CALCRL: variants seen among roughly 807,000 people sequenced by gnomAD.
CALCRL encodes the protein calcitonin receptor like receptor, also known as calcitonin gene-related peptide type 1 receptor.
In CALCRL, 27 loss-of-function variants were observed where a neutral mutation model predicts 60.4. That is an observed-to-expected ratio of 0.45 (90% CI 0.33 to 0.62). CALCRL has a LOEUF of 0.62. Among genes scored for constraint, CALCRL ranks in the 20% least tolerant of loss-of-function variants. The pLI, the probability that CALCRL is intolerant of heterozygous loss-of-function variation, is 0.03. For synonymous variants in CALCRL, 190 were observed against 182.6 expected (o/e 1.04, Z -0.33); for missense variants, 424 against 540.7 (o/e 0.78, Z 2.14).
chr2:187,378,033 G>C (rs910692681), intron 8 of CALCRL, among the ~76,000 whole-genome samples: 15 of 150,012 alleles, frequency 1.0e-4, no homozygotes, highest in Admixed American at 2.0e-4. Context: ...GAGAAGAGGA[G>C]GAGGAGGAGG....
At chr2:187,371,974 A>C (rs1381695067) in intron 8 of CALCRL, among the ~76,000 whole-genome samples, 1 of 152,126 alleles carries the variant, frequency 6.6e-6, no homozygotes, top group Non-Finnish European at 1.5e-5. Context: ...TAAATTGAGA[A>C]TGCTTTGGTC....
At chr2:187,374,716 TTC>T (rs1210191874) in intron 8 of CALCRL, among the ~76,000 whole-genome samples, 1 of 152,144 alleles carries the variant, frequency 6.6e-6, no homozygotes, top group Non-Finnish European at 1.5e-5. Context: ...CATAAATGTA[TTC>T]TGAGTGCCTA....
rs1528233 is a variant in CALCRL, at chr2:187,342,518, A to G, written c.*3666T>C. ...ACACTCTCATGTACCTATCTCAACA[A>G]TAGGCCAAACCTTATTAAACTAGCA... On this transcript the variant is annotated 3_prime_UTR_variant, in exon 15 of 15. Transcript: ENST00000392370. Among the ~76,000 whole-genome samples the G allele has an allele frequency of 0.6, 90,411 of 151,324 alleles. 28,296 individuals carry two copies. The highest frequency in any genetic ancestry group is 0.86 in the East Asian group (4,467 of 5,168).
At chr2:187,403,561 T>A (rs1688988839) in intron 1 of CALCRL, among the ~76,000 whole-genome samples, 1 of 151,900 alleles carries the variant, frequency 6.6e-6, no homozygotes, top group Non-Finnish European at 1.5e-5. Flanking sequence ...TTCAAAACAT[T>A]CGTGTTTAAG....
In CALCRL at chr2:187,345,846, G is replaced by C. The variant is rs1686248203; in HGVS notation, c.*338C>G. ...TGTTTAGTTTTACAGCCATTTGTTT[G>C]TGAATTCATGCAATGGTGTGCTGGA... On this transcript the variant is annotated 3_prime_UTR_variant, in exon 15 of 15. Coordinates refer to ENST00000392370, the MANE Select transcript of CALCRL (RefSeq NM_005795.6). 1 of 185,868 alleles carries C rather than the reference G, an allele frequency of 5.4e-6. No individual in the cohort carries two copies. Among genetic ancestry groups the C allele is most frequent in the Non-Finnish European group, 1.1e-5 (1 of 90,534 alleles). The allele number at this position is 185,868 out of a possible 1,614,324, so 11.5% of individuals were successfully genotyped here.
intron 1 of CALCRL, among the ~76,000 whole-genome samples, chr2:187,418,859 CT>C (rs369436031): frequency 0.28 from 33,584 of 119,638 alleles, 4,046 homozygotes; most frequent in Middle Eastern, 0.39. Context: ...TTCTTTTTTT[CT>C]TTTTTTTTTT....
chr2:187,435,860 T>TTGTGAG (rs1490886484), intron 1 of CALCRL, among the ~76,000 whole-genome samples: 2 of 72,870 alleles, frequency 2.7e-5, no homozygotes, highest in African/African-American at 9.2e-5. Context: ...GTGTGTGTGT[T>TTGTGAG]TGTGCGTGCG....
At chr2:187,434,716 G>GA (rs1690557393) in intron 1 of CALCRL, among the ~76,000 whole-genome samples, 1 of 152,006 alleles carries the variant, frequency 6.6e-6, no homozygotes, top group South Asian at 2.1e-4. Flanking sequence ...TCCTCAGCAG[G>GA]AAAAAGGATA....
chr2:187,394,853 G>A (rs1688594048), intron 1 of CALCRL, among the ~76,000 whole-genome samples: 1 of 151,944 alleles, frequency 6.6e-6, no homozygotes, highest in South Asian at 2.1e-4. Context: ...CTGAAAATTT[G>A]CATAAAAGTA....
chr2:187,420,325 T>A (rs1689814239), intron 1 of CALCRL, among the ~76,000 whole-genome samples: 1 of 152,126 alleles, frequency 6.6e-6, no homozygotes, highest in Admixed American at 6.5e-5. Flanking sequence ...CATAATAATA[T>A]CTTAGAAAAA....
intron 14 of CALCRL, among the ~76,000 whole-genome samples, chr2:187,349,321 C>T (rs1453635556): frequency 4.6e-5 from 7 of 151,372 alleles, no homozygotes; most frequent in Admixed American, 6.6e-5. Context: ...AAGACGTTAG[C>T]TAAAAAGTGC....
intron 1 of CALCRL, among the ~76,000 whole-genome samples, chr2:187,389,476 A>G (rs992620994): frequency 1.3e-5 from 2 of 152,182 alleles, no homozygotes; most frequent in Admixed American, 1.3e-4. Context: ...CTAAATATAT[A>G]GAAACCAATG....
rs1372077573 is a variant in CALCRL, at chr2:187,387,774, G to A, written c.-292-18C>T. On this transcript the variant is annotated intron_variant, in intron 1 of 14. Transcript: ENST00000392370. ...GTCAAGACCTGAAATATTGATGAAT[G>A]TAATAATTTAATATTATGCTAATGA... The A allele has an allele frequency of 2.5e-6, 1 of 395,250 alleles. No homozygotes were observed. Among genetic ancestry groups the A allele is most frequent in the Non-Finnish European group, 4.5e-6 (1 of 224,062 alleles). 24.5% of individuals were successfully genotyped at this position (395,250 alleles called of 1,614,324 possible).
intron 12 of CALCRL, among the ~76,000 whole-genome samples, chr2:187,355,955 A>AC (rs1686760977): frequency 6.6e-6 from 1 of 152,154 alleles, no homozygotes. Context: ...GAAGTGAAGG[A>AC]CCTCTTCAAG....
chr2:187,346,718 A>C (rs1397418833), intron 14 of CALCRL, among the ~76,000 whole-genome samples: 1 of 151,898 alleles, frequency 6.6e-6, no homozygotes, highest in Non-Finnish European at 1.5e-5. Context: ...CCCATTTACA[A>C]GATTTCATGT....
intron 1 of CALCRL, among the ~76,000 whole-genome samples, chr2:187,423,717 G>GA (rs1689995920): frequency 6.6e-6 from 1 of 151,818 alleles, no homozygotes; most frequent in South Asian, 2.1e-4. Flanking sequence ...AAAGGCTTGG[G>GA]AAAAAACTTA....
chr2:187,361,252 A>G (rs941233833), intron 9 of CALCRL, among the ~76,000 whole-genome samples: 5 of 152,026 alleles, frequency 3.3e-5, no homozygotes, highest in African/African-American at 7.2e-5. Context: ...AGGTTATCCT[A>G]TCCAAATATG....
At chr2:187,391,698 A>G (rs548657125) in intron 1 of CALCRL, among the ~76,000 whole-genome samples, 4 of 152,246 alleles carry the variant, frequency 2.6e-5, no homozygotes, top group South Asian at 4.1e-4. Context: ...TTACTATGCA[A>G]AAAGAATTTT....
At chr2:187,350,996 A>G (rs1686505729) in intron 14 of CALCRL, among the ~76,000 whole-genome samples, 1 of 36,080 alleles carries the variant, frequency 2.8e-5, no homozygotes, top group African/African-American at 1.4e-4. Flanking sequence ...ATGCATAAGA[A>G]ATATGTTGGC....
Sources: gnomAD v4.1 joint callset for allele counts (sites outside exome capture counted in the v4.1 genomes callset) on GRCh38, gnomAD v4.1.1 for gene constraint, MANE v1.5 for transcripts, NCBI Gene and HGNC (gene_info 2026-07-23, HGNC 2026-07-21) for gene names.